The following DOCK8 variants were observed in gnomAD, a reference collection of about 807,000 sequenced individuals.
The protein encoded by DOCK8 is dedicator of cytokinesis 8.
In DOCK8, 141 loss-of-function variants were observed where a neutral mutation model predicts 245.6. The observed-to-expected ratio is 0.57, with a 90% CI of 0.50 to 0.66. The LOEUF is 0.66. Ranked by LOEUF, DOCK8 falls within the 30% of genes least tolerant of loss-of-function variation. The pLI, the probability that DOCK8 is intolerant of heterozygous loss-of-function variation, is 0.00. For synonymous variants in DOCK8, 1,168 were observed against 970.2 expected (o/e 1.20, Z -3.79); for missense variants, 2,965 against 2,603.4 (o/e 1.14, Z -3.02).
intron 29 of DOCK8, 54 bp from the exon 30 acceptor site, chr9:418,014 A>AC (rs1335924454): frequency 6.2e-7 from 1 of 1,612,470 alleles, no homozygotes; most frequent in East Asian, 2.2e-5. Context: ...TGGGTAGGGG[A>AC]CATGGGGAAA....
intron 40 of DOCK8, 125 bp downstream of exon 40, chr9:439,513 C>T (rs1005782926): frequency 3.7e-5 from 49 of 1,319,750 alleles, no homozygotes; most frequent in Admixed American, 8.0e-5. Context: ...CCAGGGTGTG[C>T]GGGGCAGGGG....
At position 372,203 on chromosome 9, in the gene DOCK8, A is replaced by G. The variant is rs776387087; in HGVS notation, c.2026A>G (p.Asn676Asp). 6.2e-7 allele frequency: 1 copy of G among 1,614,106 alleles called. No individual in the cohort carries two copies. Among genetic ancestry groups the G allele is most frequent in the Non-Finnish European group, 8.5e-7 (1 of 1,180,006 alleles). Residue 676 changes from asparagine (N) to aspartate (D), a missense_variant, in exon 18 of 48, where the codon AAT (asparagine) becomes GAT (aspartate). Asn to Asp is a conservative substitution (Grantham distance 23). Coordinates refer to ENST00000432829, the MANE Select transcript of DOCK8 (RefSeq NM_203447.4). Reference sequence around the variant, plus strand: ...GTTTCAGTGGCTGCCAATTCTCTTAAATGAACGTCTTCAAACTGGATCCTA... The same window carrying G: ...GTTTCAGTGGCTGCCAATTCTCTTAGATGAACGTCTTCAAACTGGATCCTA... Reference protein sequence around the residue: ...LGYSWLPILLNERLQTGSYCL... With the variant: ...LGYSWLPILLDERLQTGSYCL...
At chr9:305,314 G>T (rs7857329) in intron 5 of DOCK8, among the ~76,000 whole-genome samples, 2 of 150,074 alleles carry the variant, frequency 1.3e-5, no homozygotes, top group African/African-American at 2.5e-5. Flanking sequence ...ACAGAGTCTC[G>T]CTCTGTCGCC....
chr9:390,193 G>A (rs778961669), intron 23 of DOCK8, among the ~76,000 whole-genome samples: 21 of 152,092 alleles, frequency 1.4e-4, no homozygotes, highest in African/African-American at 1.9e-4. Flanking sequence ...TGTTTCCCCC[G>A]TAGAATAGAG....
chr9:290,482 G>A (rs559466990), intron 4 of DOCK8, among the ~76,000 whole-genome samples: 4 of 152,142 alleles, frequency 2.6e-5, no homozygotes, highest in Non-Finnish European at 5.9e-5. Context: ...TTCAGAGGTG[G>A]CATTCGAGTT....
intron 14 of DOCK8, among the ~76,000 whole-genome samples, chr9:356,478 C>T (rs1383990043): frequency 1.4e-5 from 2 of 148,048 alleles, no homozygotes; most frequent in African/African-American, 2.5e-5. Flanking sequence ...TGCAGCGAGG[C>T]GAGATTGCAC....
chr9:257,724 G>C (rs1431346003), intron 1 of DOCK8, among the ~76,000 whole-genome samples: 1 of 152,090 alleles, frequency 6.6e-6, no homozygotes, highest in African/African-American at 2.4e-5. Flanking sequence ...TCACCATGTT[G>C]GCCAGGATGG....
chr9:337,349 G>A (rs1208355188), intron 12 of DOCK8, among the ~76,000 whole-genome samples: 1 of 152,214 alleles, frequency 6.6e-6, no homozygotes, highest in Non-Finnish European at 1.5e-5. Flanking sequence ...AGAGTGCCTG[G>A]AATACAGTAA....
At chr9:245,539 A>G (rs1272671206) in intron 1 of DOCK8, among the ~76,000 whole-genome samples, 1 of 152,108 alleles carries the variant, frequency 6.6e-6, no homozygotes. Flanking sequence ...CAGCTCTTAA[A>G]GCCCTCAGAA....
Position 386,343 on chromosome 9 carries a change from A to C in DOCK8, c.2791A>C (p.Asn931His), listed in dbSNP as rs754098089. 2 of 1,613,874 alleles carry C rather than the reference A, an allele frequency of 1.2e-6. No homozygotes were observed. The highest frequency in any genetic ancestry group is 1.7e-6 in the Non-Finnish European group (2 of 1,179,824). Residue 931 changes from asparagine to histidine, a missense_variant, in exon 23 of 48, where the codon AAC becomes CAC. Around this residue, in one of 3 missense-constraint regions of DOCK8, gnomAD observed 2,825 missense variants for 2,453.5 expected, o/e 1.15. Coordinates refer to ENST00000432829, the MANE Select transcript of DOCK8 (RefSeq NM_203447.4). ...NIMSSKIADRNCSRMSYYCSG... is the reference protein window; with the variant it reads ...NIMSSKIADRHCSRMSYYCSG... ...TTGTGTATTTTAGATCGCCGATCGC[A>C]ACTGCAGCCGAATGTCTTACTATTG...
At chr9:348,672 T>A (rs2052016686) in intron 14 of DOCK8, among the ~76,000 whole-genome samples, 1 of 152,218 alleles carries the variant, frequency 6.6e-6, no homozygotes, top group African/African-American at 2.4e-5. Context: ...AGGGAGCACC[T>A]AAAATCCAAA....
chr9:315,253 C>T (rs900550398), intron 6 of DOCK8, among the ~76,000 whole-genome samples: 3 of 152,136 alleles, frequency 2.0e-5, no homozygotes, highest in East Asian at 1.9e-4. Flanking sequence ...TCATTCCGTT[C>T]ATTTATATAT....
chr9:367,138 T>C (rs892002898), intron 14 of DOCK8, among the ~76,000 whole-genome samples: 4 of 152,206 alleles, frequency 2.6e-5, no homozygotes, highest in African/African-American at 9.6e-5. Context: ...TTAAACAAAT[T>C]AGTAAATATG....
Position 382,555 on chromosome 9 carries a change from A to G in DOCK8, c.2648A>G (p.Tyr883Cys), listed in dbSNP as rs780783415. The G allele has an allele frequency of 1.3e-5, 21 of 1,613,952 alleles. No individual in the cohort carries two copies. The highest frequency in any genetic ancestry group is 3.3e-5 in the Admixed American group (2 of 59,988). Reference sequence around the variant, plus strand: ...CTAGACCCTCGGAGCTACCACACGTATGGCCGCACATCAGCTGCTGCTGTG... The same window carrying G: ...CTAGACCCTCGGAGCTACCACACGTGTGGCCGCACATCAGCTGCTGCTGTG... Reference protein sequence around the residue: ...ALLDPRSYHTYGRTSAAAVSS... With the variant: ...ALLDPRSYHTCGRTSAAAVSS... The change falls in exon 22 of 48, where the codon TAT becomes TGT. Residue 883 changes from tyrosine to cysteine, a missense_variant. Physicochemically the swap from Tyr to Cys is radical, Grantham distance 194. Around this residue, in one of 3 missense-constraint regions of DOCK8, gnomAD observed 2,825 missense variants for 2,453.5 expected, o/e 1.15. Transcript: ENST00000432829.
intron 28 of DOCK8, among the ~76,000 whole-genome samples, chr9:407,851 G>A (rs1042989278): frequency 2.0e-5 from 3 of 152,160 alleles, no homozygotes; most frequent in Admixed American, 2.0e-4. Context: ...AAAATTCGCT[G>A]CCCCTCAAGA....
intron 1 of DOCK8, among the ~76,000 whole-genome samples, chr9:226,187 G>C (rs1464966283): frequency 2.0e-5 from 3 of 152,130 alleles, no homozygotes; most frequent in South Asian, 2.1e-4. Context: ...AGGAGCAAAG[G>C]CATATCTTAA....
chr9:344,126 C>T (rs185520243), intron 14 of DOCK8, among the ~76,000 whole-genome samples: 74 of 152,132 alleles, frequency 4.9e-4, no homozygotes, highest in African/African-American at 1.5e-3. Context: ...AAGGACACCC[C>T]GTTAGAAATG....
At chr9:275,571 T>C (rs1322352565) in intron 2 of DOCK8, among the ~76,000 whole-genome samples, 1 of 152,188 alleles carries the variant, frequency 6.6e-6, no homozygotes, top group African/African-American at 2.4e-5. Flanking sequence ...TAAACAGCTC[T>C]GTTATTTATT....
intron 2 of DOCK8, among the ~76,000 whole-genome samples, chr9:285,021 AT>A (rs1403748687): frequency 3.9e-5 from 6 of 152,156 alleles, no homozygotes; most frequent in Non-Finnish European, 7.4e-5. Flanking sequence ...TGATAAAATA[AT>A]TGTACAACAA....
Sources: gnomAD v4.1 joint callset for allele counts (sites outside exome capture counted in the v4.1 genomes callset) on GRCh38, gnomAD v4.1.1 for gene constraint, gnomAD v4.1.1 regional missense constraint, MANE v1.5 for transcripts, NCBI Gene and HGNC (gene_info 2026-07-23, HGNC 2026-07-21) for gene names.